Variants in FAM135B observed in about 807,000 individuals in gnomAD.
The protein encoded by FAM135B is protein FAM135B.
FAM135B carries 43 observed loss-of-function variants against 127.7 expected under a neutral mutation model. The observed-to-expected ratio is 0.34, with a 90% CI of 0.26 to 0.43. The LOEUF is 0.43. FAM135B is among the 20% of genes least tolerant of loss of function. The pLI, the probability that FAM135B is intolerant of heterozygous loss-of-function variation, is 1.00. For synonymous variants in FAM135B, 670 were observed against 665.1 expected, an observed-to-expected ratio of 1.01 and a Z score of -0.11; for missense variants, 1,558 against 1,725.6, an observed-to-expected ratio of 0.90 and a Z score of 1.72.
intron 1 of FAM135B, among the ~76,000 whole-genome samples, chr8:138,368,765 A>C (rs1265841218): frequency 6.6e-6 from 1 of 152,136 alleles, no homozygotes; most frequent in Non-Finnish European, 1.5e-5. Flanking sequence ...AAAAACATTA[A>C]AACAGTCCAA....
intron 2 of FAM135B, among the ~76,000 whole-genome samples, chr8:138,315,953 G>A (rs11166805): frequency 0.45 from 68,538 of 151,896 alleles, 17,417 homozygotes; most frequent in Non-Finnish European, 0.59. Flanking sequence ...ATGTACAGCC[G>A]GAGGATTATA....
At chr8:138,252,433 A>G (rs1000917118) in intron 5 of FAM135B, among the ~76,000 whole-genome samples, 8 of 152,230 alleles carry the variant, frequency 5.3e-5, no homozygotes, top group African/African-American at 1.9e-4. Context: ...CCCAAGAATC[A>G]CAGATATAAC....
At position 138,302,712 on chromosome 8, in the gene FAM135B, C is replaced by A. The variant is rs12680916; in HGVS notation, c.157+8129G>T. Among the ~76,000 whole-genome samples, 23 of 152,298 alleles carry A rather than the reference C, an allele frequency of 1.5e-4. No individual in the cohort carries two copies. The South Asian group carries it at 4.1e-3, about 27-fold the overall frequency. ...AGCCCTGAGTCCCTGGGGCCTCCCC[C>A]CTCCCAAGCCCACATCGCTCACGTT... On this transcript the variant is annotated intron_variant, in intron 3 of 19. Transcript: ENST00000395297.
At chr8:138,253,245 A>G (rs1821837513) in intron 5 of FAM135B, among the ~76,000 whole-genome samples, 1 of 152,220 alleles carries the variant, frequency 6.6e-6, no homozygotes. Context: ...CAGCAGAACT[A>G]TTCAGGGCAG....
At chr8:138,251,298 A>T (rs1315315608) in intron 5 of FAM135B, among the ~76,000 whole-genome samples, 1 of 152,112 alleles carries the variant, frequency 6.6e-6, no homozygotes, top group Non-Finnish European at 1.5e-5. Flanking sequence ...GATGGATAAG[A>T]AGCCCAGACT....
At chr8:138,253,070 G>A (rs899413198) in intron 5 of FAM135B, among the ~76,000 whole-genome samples, 2 of 152,048 alleles carry the variant, frequency 1.3e-5, no homozygotes, top group African/African-American at 4.8e-5. Context: ...CAAAGGGCTG[G>A]GATTACAGGT....
intron 2 of FAM135B, among the ~76,000 whole-genome samples, chr8:138,335,379 G>C (rs4909417): frequency 6.6e-6 from 1 of 152,112 alleles, no homozygotes; most frequent in African/African-American, 2.4e-5. Context: ...TATGGCATAC[G>C]TAATTTTAAA....
chr8:138,471,060 G>A lies in FAM135B; in HGVS notation c.-20+25611C>T, dbSNP rs372094025. Among the ~76,000 whole-genome samples, 11 of 152,176 alleles carry A rather than the reference G, an allele frequency of 7.2e-5. No individual in the cohort carries two copies. In the East Asian group the frequency reaches 7.7e-4, roughly 11 times the overall value. ...TCATACACACAGACAATGCTGAAAT[G>A]TATGCTCTTAGTCATCATGAAATTG... On this transcript the variant is annotated intron_variant, in intron 1 of 19. Transcript: ENST00000395297.
chr8:138,424,060 A>G (rs905185167), intron 1 of FAM135B, among the ~76,000 whole-genome samples: 2 of 152,070 alleles, frequency 1.3e-5, no homozygotes, highest in Non-Finnish European at 1.5e-5. Context: ...TCTTTTTTTC[A>G]AGGTGCCCAG....
At chr8:138,337,770 T>C (rs973708315) in intron 2 of FAM135B, among the ~76,000 whole-genome samples, 3 of 152,154 alleles carry the variant, frequency 2.0e-5, no homozygotes, top group Non-Finnish European at 4.4e-5. Flanking sequence ...TTAAAGTTCA[T>C]ATGGAATCAA....
chr8:138,300,192 C>T (rs6988796), intron 3 of FAM135B, among the ~76,000 whole-genome samples: 52,390 of 151,422 alleles, frequency 0.35, 9,443 homozygotes, highest in African/African-American at 0.42. Context: ...CCTGAGAACA[C>T]TCCCCTTTCT....
chr8:138,233,381 G>T (rs35929433), intron 7 of FAM135B, among the ~76,000 whole-genome samples: 29,034 of 152,062 alleles, frequency 0.19, 3,072 homozygotes, highest in Non-Finnish European at 0.23. Flanking sequence ...ATATACAACT[G>T]ATCTTGGATA....
At chr8:138,344,427 G>A (rs1055872533) in intron 2 of FAM135B, among the ~76,000 whole-genome samples, 3 of 152,072 alleles carry the variant, frequency 2.0e-5, no homozygotes, top group African/African-American at 4.8e-5. Flanking sequence ...GGGGTTGCAC[G>A]ACTGCCCTTC....
chr8:138,216,880 G>A (rs908352814), intron 7 of FAM135B, among the ~76,000 whole-genome samples: 2 of 152,146 alleles, frequency 1.3e-5, no homozygotes, highest in African/African-American at 4.8e-5. Context: ...GGGGAAACGA[G>A]GCATGAGGAC....
intron 1 of FAM135B, among the ~76,000 whole-genome samples, chr8:138,423,665 T>G (rs558367984): frequency 6.6e-6 from 1 of 152,234 alleles, no homozygotes; most frequent in South Asian, 2.1e-4. Context: ...AAATTAAAAT[T>G]GCTAATGAAG....
At chr8:138,411,436 T>C (rs963358166) in intron 1 of FAM135B, among the ~76,000 whole-genome samples, 18 of 152,082 alleles carry the variant, frequency 1.2e-4, no homozygotes, top group African/African-American at 4.3e-4. Flanking sequence ...TAGCCATATG[T>C]AGAAAGCTGA....
intron 1 of FAM135B, among the ~76,000 whole-genome samples, chr8:138,382,661 C>T (rs1831932206): frequency 6.6e-6 from 1 of 152,138 alleles, no homozygotes; most frequent in Non-Finnish European, 1.5e-5. Context: ...AGAATTTATA[C>T]ATAAAGTGCA....
intron 1 of FAM135B, among the ~76,000 whole-genome samples, chr8:138,374,915 T>C (rs910612375): frequency 3.3e-5 from 5 of 152,122 alleles, no homozygotes; most frequent in Non-Finnish European, 7.4e-5. Flanking sequence ...GCAACCACAC[T>C]CTGGGTAAAC....
rs373536894 is a variant in FAM135B, at chr8:138,262,104, GAAGAA to G, written c.297+3594_297+3598del. On this transcript the variant is annotated intron_variant, in intron 4 of 19. Transcript: ENST00000395297. ...ACAGAGAAAAGAAATTTGATAGGAA[GAAGAA>G]AACAACATGTAATGTGAAATAGACT... 1.7e-3 allele frequency among the ~76,000 whole-genome samples: 256 copies of G among 152,312 alleles called. 2 individuals carry two copies. Among genetic ancestry groups the G allele is most frequent in the African/African-American group, 5.8e-3 (240 of 41,584 alleles).
Sources: allele counts gnomAD v4.1 joint callset (sites outside exome capture counted in the v4.1 genomes callset), GRCh38; gene constraint gnomAD v4.1.1; transcripts MANE v1.5; gene names NCBI Gene and HGNC (gene_info 2026-07-23, HGNC 2026-07-21).